Variants in PLEKHG5 observed in about 807,000 individuals in gnomAD.
PLEKHG5 encodes pleckstrin homology and RhoGEF domain containing G5, also known as pleckstrin homology domain-containing family G member 5.
A neutral mutation model predicts 103.8 loss-of-function variants in PLEKHG5; 52 were observed. That is an observed-to-expected ratio of 0.50 (90% CI 0.40 to 0.63). The LOEUF (loss-of-function observed/expected upper bound fraction) is 0.63, where lower values mean the gene tolerates loss of function less well. PLEKHG5 is among the 30% of genes least tolerant of loss of function. PLEKHG5 has a pLI of 0.00. For missense variants in PLEKHG5, 1,205 were observed against 1,347.6 expected (o/e 0.89, Z 1.66); for synonymous variants, 592 against 575.5 (o/e 1.03, Z -0.41).
intron 1 of PLEKHG5, among the ~76,000 whole-genome samples, chr1:6,518,326 C>T (rs940313515): frequency 4.0e-5 from 6 of 151,006 alleles, no homozygotes; most frequent in South Asian, 4.2e-4. Flanking sequence ...TTTGGGAGGC[C>T]GAGGCAGGCA....
At chr1:6,510,394 C>T (rs899225276) in intron 1 of PLEKHG5, among the ~76,000 whole-genome samples, 8 of 151,816 alleles carry the variant, frequency 5.3e-5, no homozygotes, top group Admixed American at 1.3e-4. Flanking sequence ...AGTTCAAGAC[C>T]AGCCTGGCCA....
chr1:6,499,172 C>G (rs548443443), upstream of PLEKHG5, among the ~76,000 whole-genome samples: 6 of 152,342 alleles, frequency 3.9e-5, no homozygotes, highest in African/African-American at 1.4e-4. Context: ...CCCTTTGCCC[C>G]AGGGCCTCTG....
intron 1 of PLEKHG5, among the ~76,000 whole-genome samples, chr1:6,518,944 C>T (rs756301377): frequency 1.3e-5 from 2 of 152,348 alleles, no homozygotes; most frequent in African/African-American, 2.4e-5. Context: ...CCCGGGTTCA[C>T]GCCATTCTCC....
intron 1 of PLEKHG5, among the ~76,000 whole-genome samples, chr1:6,513,666 C>A (rs1638537837): frequency 1.3e-5 from 2 of 152,236 alleles, no homozygotes. Flanking sequence ...GGCTCCTGGG[C>A]CGGGCTCCCA....
chr1:6,492,929 C>T (rs1645172226), upstream of PLEKHG5, among the ~76,000 whole-genome samples: 1 of 147,876 alleles, frequency 6.8e-6, no homozygotes, highest in Non-Finnish European at 1.5e-5. Context: ...CCTGTGCCCC[C>T]TGGCCTCGCT....
Position 6,470,715 on chromosome 1 carries a change from C to G in PLEKHG5, c.1542+20G>C, listed in dbSNP as rs1347675422. ...GAGAGCCGCGCAGGGGGGACGGCTC[C>G]CGCTGGCCATCAGGGTTACCATGGC... is the stretch of plus-strand genomic sequence containing the variant. On this transcript the variant is annotated intron_variant, in intron 14 of 20. Coordinates refer to ENST00000377728, the MANE Select transcript of PLEKHG5 (RefSeq NM_020631.6). 2 of 1,551,944 alleles carry G rather than the reference C, an allele frequency of 1.3e-6. No individual in the cohort carries two copies. The highest frequency in any genetic ancestry group is 1.7e-6 in the Non-Finnish European group (2 of 1,151,010).
intron 1 of PLEKHG5, among the ~76,000 whole-genome samples, chr1:6,516,912 A>C (rs1638640581): frequency 1.5e-5 from 2 of 137,090 alleles, no homozygotes; most frequent in Non-Finnish European, 3.1e-5. Flanking sequence ...ATATACACAC[A>C]CACACACACA....
chr1:6,519,689 C>T, exon 1 of PLEKHG5: 1 of 654,860 alleles, frequency 1.5e-6, no homozygotes, highest in East Asian at 2.7e-5. Flanking sequence ...CCTGTCTGCA[C>T]AGAAAACCAA....
At chr1:6,485,207 G>A (rs1644998044) in intron 1 of PLEKHG5, 2 of 662,604 alleles carry the variant, frequency 3.0e-6, no homozygotes, top group African/African-American at 3.8e-5. Context: ...CCTTCCCCTG[G>A]GGGCCGCGGG....
At chr1:6,516,743 ATG>A (rs1218232507) in intron 1 of PLEKHG5, among the ~76,000 whole-genome samples, 1 of 127,354 alleles carries the variant, frequency 7.9e-6, no homozygotes, top group Non-Finnish European at 1.7e-5. Context: ...GTGTATATAT[ATG>A]TGTGTGTGTA....
At chr1:6,469,299 T>C in intron 18 of PLEKHG5, 36 bp downstream of exon 18, 1 of 1,613,156 alleles carries the variant, frequency 6.2e-7, no homozygotes, top group Non-Finnish European at 8.5e-7. Flanking sequence ...ATCTCCCTAA[T>C]CTGCCTTGCC....
rs1420903720 is a variant in PLEKHG5, at chr1:6,487,208, C to T, written c.-88+4429G>A. Among the ~76,000 whole-genome samples the T allele has an allele frequency of 2.0e-5, 3 of 152,306 alleles. No homozygotes were observed. Among genetic ancestry groups the T allele is most frequent in the Non-Finnish European group, 4.4e-5 (3 of 68,004 alleles). ...CCAGCTCACTACGACCTCCACCTCCCAGGTTCAAGTGATTCTTCTGCCTCA... is the reference window on the plus strand; with the variant it reads ...CCAGCTCACTACGACCTCCACCTCCTAGGTTCAAGTGATTCTTCTGCCTCA... On this transcript the variant is annotated intron_variant, in intron 1 of 20. Coordinates refer to ENST00000377728, the MANE Select transcript of PLEKHG5 (RefSeq NM_020631.6). The surrounding 1 kb of genome is among the most constrained non-coding windows in gnomAD (Gnocchi z 4.1).
At chr1:6,519,752 G>C in exon 1 of PLEKHG5, 1 of 596,886 alleles carries the variant, frequency 1.7e-6, no homozygotes, top group Non-Finnish European at 3.0e-6. Flanking sequence ...TCCCCTGGGC[G>C]CTGTATATTT....
intron 15 of PLEKHG5, 35 bp downstream of exon 15, chr1:6,470,471 C>A (rs200053705): frequency 3.8e-5 from 62 of 1,611,008 alleles, no homozygotes; most frequent in Non-Finnish European, 5.9e-6. Flanking sequence ...CTTCCTCTCT[C>A]CCAGCCGGCA....
At chr1:6,516,922 A>ACACC (rs1553180762) in intron 1 of PLEKHG5, among the ~76,000 whole-genome samples, 1 of 140,912 alleles carries the variant, frequency 7.1e-6, no homozygotes, top group Admixed American at 7.3e-5. Flanking sequence ...ACACACACAC[A>ACACC]CACATGTACA....
Position 6,490,907 on chromosome 1 carries a change from G to A in PLEKHG5, c.-88+730C>T, listed in dbSNP as rs1645141324. On this transcript the variant is annotated intron_variant, in intron 1 of 20. Transcript: ENST00000377728. This position sits in a 1 kb window ranked among gnomAD's most constrained non-coding sequence, Gnocchi z 8.0. ...CCGGAAGGGGGCTAGGGGGGACCAG[G>A]GCCCGCGACAGGAAGCCTCCGCGCG... is the stretch of plus-strand genomic sequence containing the variant. 6.6e-6 allele frequency among the ~76,000 whole-genome samples: 1 copy of A among 152,136 alleles called. No individual in the cohort carries two copies. The highest frequency in any genetic ancestry group is 6.5e-5 in the Admixed American group (1 of 15,282).
At chr1:6,476,337 T>C (rs1041169670) in intron 2 of PLEKHG5, among the ~76,000 whole-genome samples, 1 of 152,210 alleles carries the variant, frequency 6.6e-6, no homozygotes, top group Non-Finnish European at 1.5e-5. Context: ...ATTGCAGGCG[T>C]GTGCCACCAC....
rs754624083 is a variant in PLEKHG5 at position 6,470,572 on chromosome 1, C to A, written c.1614G>T (p.Leu538=). 4.2e-5 allele frequency: 67 copies of A among 1,582,462 alleles called. No individual in the cohort carries two copies. The highest frequency in any genetic ancestry group is 5.0e-5 in the Non-Finnish European group (59 of 1,171,938). Residue 538 remains leucine, a synonymous_variant, in exon 15 of 21, where the codon CTG becomes CTT. Coordinates refer to ENST00000377728, the MANE Select transcript of PLEKHG5 (RefSeq NM_020631.6). ...CGTCGATGCGGCTCACCACGGCCGC[C>A]AGCCGCTGCCGCTCCTGCCGCTGCC... ...CMRQRQERQR[L]AAVVSRIDAY...
chr1:6,513,707 A>G (rs2148638689), intron 1 of PLEKHG5, among the ~76,000 whole-genome samples: 1 of 152,348 alleles, frequency 6.6e-6, no homozygotes, highest in East Asian at 1.9e-4. Flanking sequence ...GACTTCCAGA[A>G]CAGCTAGGAT....
Sources: gnomAD v4.1 joint callset for allele counts (sites outside exome capture counted in the v4.1 genomes callset) on GRCh38, gnomAD v4.1.1 for gene constraint, Gnocchi (gnomAD v3.1) non-coding constraint, MANE v1.5 for transcripts, NCBI Gene and HGNC (gene_info 2026-07-23, HGNC 2026-07-21) for gene names.